Variants in BANK1 observed in about 807,000 individuals in gnomAD.
The protein encoded by BANK1 is B-cell scaffold protein with ankyrin repeats.
In BANK1, 95 loss-of-function variants were observed where a neutral mutation model predicts 94.5. The observed-to-expected ratio is 1.00, with a 90% confidence interval of 0.85 to 1.19. The LOEUF is 1.19. Among genes scored for constraint, BANK1 ranks in the 50% most tolerant of loss-of-function variants. The pLI is 0.00. For synonymous variants in BANK1, 334 were observed against 308.4 expected (o/e 1.08, Z -0.87); for missense variants, 987 against 932.2 (o/e 1.06, Z -0.77).
At chr4:101,806,144 A>G (rs1357174123) in intron 1 of BANK1, among the ~76,000 whole-genome samples, 1 of 151,984 alleles carries the variant, frequency 6.6e-6, no homozygotes, top group African/African-American at 2.4e-5. Flanking sequence ...TAAAAACAAA[A>G]AACTGGAAAA....
chr4:101,938,517 T>C (rs776281361), intron 7 of BANK1, among the ~76,000 whole-genome samples: 3 of 151,688 alleles, frequency 2.0e-5, no homozygotes, highest in Non-Finnish European at 4.4e-5. Context: ...TACCCTGATA[T>C]GATTATTATA....
At chr4:102,044,749 T>C (rs1228244151) in intron 11 of BANK1, among the ~76,000 whole-genome samples, 4 of 80,882 alleles carry the variant, frequency 4.9e-5, no homozygotes, top group Admixed American at 3.3e-4. Flanking sequence ...TGGTATCTCA[T>C]TGTGGTTTTG....
rs1377407537 is a variant in BANK1 at position 101,986,897 on chromosome 4, G to GTATATATATATA, written c.1207-34616_1207-34615insATATATATATAT. 2.0e-3 allele frequency among the ~76,000 whole-genome samples: 114 copies of GTATATATATATA among 58,020 alleles called. 9 individuals carry two copies. Among genetic ancestry groups the GTATATATATATA allele is most frequent in the South Asian group, 8.6e-3 (12 of 1,390 alleles). 38.1% of individuals were successfully genotyped at this position (58,020 alleles called of 152,430 possible). On this transcript the variant is annotated intron_variant, in intron 7 of 16. Transcript: ENST00000322953. ...TATGTGTGTGTGTGTGTGTGTGTGT[G>GTATATATATATA]TGTATATATATATATATATATATAT...
chr4:101,862,993 G>C (rs1174612674), intron 4 of BANK1, among the ~76,000 whole-genome samples: 1 of 151,886 alleles, frequency 6.6e-6, no homozygotes, highest in African/African-American at 2.4e-5. Context: ...GTGACATTTG[G>C]ATTAGCAATT....
intron 5 of BANK1, among the ~76,000 whole-genome samples, chr4:101,872,998 GA>G (rs992235435): frequency 8.7e-4 from 93 of 106,448 alleles, no homozygotes; most frequent in East Asian, 3.0e-3. Flanking sequence ...AAAAACTAAA[GA>G]AAAAAAAAAA....
intron 5 of BANK1, among the ~76,000 whole-genome samples, chr4:101,886,729 A>C (rs1167701765): frequency 7.2e-6 from 1 of 139,024 alleles, no homozygotes; most frequent in Non-Finnish European, 1.6e-5. Flanking sequence ...TAAAACTTTG[A>C]GACCTTTTGA....
intron 7 of BANK1, among the ~76,000 whole-genome samples, chr4:101,936,324 TC>T (rs1189021784): frequency 7.3e-6 from 1 of 136,842 alleles, no homozygotes; most frequent in Non-Finnish European, 1.6e-5. Flanking sequence ...CACATATGTA[TC>T]CATACATATA....
intron 1 of BANK1, among the ~76,000 whole-genome samples, chr4:101,828,383 TTATATA>T (rs60877981): frequency 0.031 from 4,357 of 142,150 alleles, 239 homozygotes; most frequent in African/African-American, 0.11. Context: ...ATGAGTGAAT[TTATATA>T]TATATATATA....
intron 7 of BANK1, among the ~76,000 whole-genome samples, chr4:101,997,307 T>C (rs1212822622): frequency 6.6e-6 from 1 of 152,192 alleles, no homozygotes; most frequent in East Asian, 1.9e-4. Flanking sequence ...ATAAGCTTTT[T>C]GATGTACTGC....
At position 101,830,178 on chromosome 4, in the gene BANK1, C is replaced by T. The variant is rs1257265690; in HGVS notation, c.441C>T (p.Ile147=). ...ISTEQEPEDY[I]SVIQSIIFKD... is the part of the protein sequence containing the mutation. The stretch of plus-strand genomic sequence containing the variant: ...CTGAACAGGAACCTGAAGACTACAT[C>T]TCTGTAATCCAGAGTATCATATTCA... Residue 147 remains isoleucine (I), a synonymous_variant, in exon 2 of 17, where the codon ATC becomes ATT. Transcript: ENST00000322953. The T allele has an allele frequency of 6.4e-7, 1 of 1,555,778 alleles. No homozygotes were observed. The highest frequency in any genetic ancestry group is 8.7e-7 in the Non-Finnish European group (1 of 1,155,232).
chr4:101,912,273 G>T lies in BANK1; in HGVS notation c.1010-5720G>T, dbSNP rs527390582. Among the ~76,000 whole-genome samples, 3 of 152,094 alleles carry T rather than the reference G, an allele frequency of 2.0e-5. No homozygotes were observed. In the East Asian group the frequency reaches 5.8e-4, roughly 29 times the overall value. ...AAACACCTCCCTCCCCTTTCTAAAA[G>T]GACCCATTTGCTTACTGGATTCTGC... On this transcript the variant is annotated intron_variant, in intron 6 of 16. Transcript: ENST00000322953.
intron 7 of BANK1, among the ~76,000 whole-genome samples, chr4:102,000,220 G>C (rs973539145): frequency 1.3e-5 from 2 of 151,290 alleles, no homozygotes; most frequent in Admixed American, 1.3e-4. Context: ...CTACTCAGGA[G>C]GCTGAGGTAG....
chr4:101,823,229 C>G (rs1432490877), intron 1 of BANK1, among the ~76,000 whole-genome samples: 1 of 152,118 alleles, frequency 6.6e-6, no homozygotes, highest in Non-Finnish European at 1.5e-5. Flanking sequence ...ATGTTCTCAA[C>G]CATGATATCT....
intron 11 of BANK1, among the ~76,000 whole-genome samples, chr4:102,059,884 T>G (rs1318808692): frequency 6.6e-6 from 1 of 152,202 alleles, no homozygotes; most frequent in Non-Finnish European, 1.5e-5. Context: ...CTAAGTATTT[T>G]GTGCACGTGA....
At chr4:102,045,959 A>T (rs1332142949) in intron 11 of BANK1, among the ~76,000 whole-genome samples, 1 of 148,802 alleles carries the variant, frequency 6.7e-6, no homozygotes, top group Non-Finnish European at 1.5e-5. Context: ...GTTCATATGG[A>T]ACCAAAAAAG....
chr4:101,864,523 A>G (rs1727996879), intron 4 of BANK1, among the ~76,000 whole-genome samples: 1 of 152,170 alleles, frequency 6.6e-6, no homozygotes, highest in South Asian at 2.1e-4. Context: ...AAAATCGACC[A>G]CGTTTCTTGA....
intron 10 of BANK1, among the ~76,000 whole-genome samples, chr4:102,042,771 C>G (rs1228047803): frequency 6.6e-6 from 1 of 151,980 alleles, no homozygotes; most frequent in Non-Finnish European, 1.5e-5. Flanking sequence ...CTAAAAGGAA[C>G]AAGAGATACA....
intron 7 of BANK1, among the ~76,000 whole-genome samples, chr4:101,923,354 T>C (rs527894458): frequency 6.6e-6 from 1 of 151,558 alleles, no homozygotes; most frequent in Admixed American, 6.6e-5. Context: ...TTAAAGACTA[T>C]ATATATATAT....
chr4:102,041,464 G>A (rs1206097568), intron 10 of BANK1, among the ~76,000 whole-genome samples: 1 of 152,032 alleles, frequency 6.6e-6, no homozygotes, highest in Non-Finnish European at 1.5e-5. Context: ...TGAGAAGACA[G>A]TGTGTTTGGC....
Sources: allele counts gnomAD v4.1 joint callset (sites outside exome capture counted in the v4.1 genomes callset), GRCh38; gene constraint gnomAD v4.1.1; transcripts MANE v1.5; gene names NCBI Gene and HGNC (gene_info 2026-07-23, HGNC 2026-07-21).